FRZB: variants seen among roughly 807,000 people sequenced by gnomAD.
FRZB encodes frizzled related protein, also known as secreted frizzled-related protein 3.
Under a neutral mutation model 32.5 loss-of-function variants are expected in FRZB, and 34 were observed. The observed-to-expected ratio is 1.05, with a 90% CI of 0.80 to 1.39. FRZB has a LOEUF of 1.39. Ranked by LOEUF, FRZB falls within the 40% of genes most tolerant of loss-of-function variation. The probability of loss-of-function intolerance (pLI) is 0.00; values close to 1 mark genes in which losing one functional copy is unlikely to be tolerated. For synonymous variants in FRZB, 170 were observed against 159.2 expected, an observed-to-expected ratio of 1.07 and a Z score of -0.51; for missense variants, 423 against 424.8, an observed-to-expected ratio of 1.00 and a Z score of 0.04.
chr2:182,865,855 C>T (rs1343606285), intron 1 of FRZB, among the ~76,000 whole-genome samples: 1 of 151,986 alleles, frequency 6.6e-6, no homozygotes. Context: ...GAACACAGTG[C>T]CAGAGTGCAT....
At chr2:182,842,335 C>G (rs1695595493) in intron 3 of FRZB, 143 bp downstream of exon 3, 1 of 635,556 alleles carries the variant, frequency 1.6e-6, no homozygotes, top group East Asian at 2.8e-5. Context: ...GGCAGAGGGA[C>G]TATGCTCCTA....
chr2:182,842,327 C>A (rs1359982150), intron 3 of FRZB, 151 bp downstream of exon 3: 2 of 610,214 alleles, frequency 3.3e-6, no homozygotes, highest in African/African-American at 3.7e-5. Context: ...TTGGTCGGGG[C>A]AGAGGGACTA....
rs375931244 is a variant in FRZB, at chr2:182,838,340, T to G, written c.797+69A>C. On this transcript the variant is annotated intron_variant, in intron 4 of 5. Transcript: ENST00000295113. ...AATGTAAAAATGCGAGGGTAGCATC[T>G]CTAGAGACAAATTTAATGAGAGTAG... 9.9e-6 allele frequency: 13 copies of G among 1,314,628 alleles called. No homozygotes were observed. The African/African-American group carries it at 1.9e-4, about 19-fold the overall frequency. 81.4% of individuals were successfully genotyped at this position (1,314,628 alleles called of 1,614,324 possible). A position where few individuals can be genotyped will look rare whatever the true frequency, so the allele number is the denominator to read the frequency against.
intron 2 of FRZB, among the ~76,000 whole-genome samples, chr2:182,854,152 T>C (rs966267596): frequency 6.6e-6 from 1 of 151,958 alleles, no homozygotes; most frequent in African/African-American, 2.4e-5. Flanking sequence ...AGGGTGGGGG[T>C]AGTGACTTGG....
At chr2:182,852,319 C>A (rs559050913) in intron 2 of FRZB, among the ~76,000 whole-genome samples, 21 of 152,252 alleles carry the variant, frequency 1.4e-4, no homozygotes, top group Admixed American at 3.9e-4. Context: ...TCAGTGGCCA[C>A]CAGGCAGCTA....
At chr2:182,859,433 A>G (rs1419380507) in intron 1 of FRZB, among the ~76,000 whole-genome samples, 1 of 152,176 alleles carries the variant, frequency 6.6e-6, no homozygotes, top group East Asian at 1.9e-4. Flanking sequence ...ATCCCAGAAA[A>G]TAGTAATGAT....
At chr2:182,842,457 C>T (rs1278318295) in intron 3 of FRZB, 21 bp downstream of exon 3, 9 of 1,583,714 alleles carry the variant, frequency 5.7e-6, no homozygotes, top group African/African-American at 1.3e-5. Flanking sequence ...GTTTATACAT[C>T]AACCATGAAA....
intron 2 of FRZB, among the ~76,000 whole-genome samples, chr2:182,851,579 C>G (rs928665175): frequency 3.3e-5 from 5 of 151,974 alleles, no homozygotes; most frequent in Admixed American, 6.6e-5. Context: ...TTGCTTGAAC[C>G]CAGGACATGG....
chr2:182,842,057 T>C (rs1242292513), intron 3 of FRZB, among the ~76,000 whole-genome samples: 1 of 152,204 alleles, frequency 6.6e-6, no homozygotes. Context: ...ATAGACTGAC[T>C]GAAGAAGTCA....
At chr2:182,851,254 G>A (rs1031206497) in intron 2 of FRZB, among the ~76,000 whole-genome samples, 2 of 152,176 alleles carry the variant, frequency 1.3e-5, no homozygotes, top group Non-Finnish European at 2.9e-5. Context: ...AATGAATGGT[G>A]AGATCGGTGG....
At chr2:182,837,841 T>A in intron 5 of FRZB, 107 bp downstream of exon 5, 4 of 789,874 alleles carry the variant, frequency 5.1e-6, no homozygotes, top group East Asian at 2.6e-5. Context: ...AATTTTAATA[T>A]TTCTCATATG....
At chr2:182,851,542 G>A (rs1695710077) in intron 2 of FRZB, among the ~76,000 whole-genome samples, 1 of 152,018 alleles carries the variant, frequency 6.6e-6, no homozygotes, top group Non-Finnish European at 1.5e-5. Context: ...TGTAATCACA[G>A]CTACTCAGGA....
rs879358016 is a variant in FRZB at position 182,834,837 on chromosome 2, G to T, written c.*12C>A. 1 of 1,593,758 alleles carries T rather than the reference G, an allele frequency of 6.3e-7. No individual in the cohort carries two copies. The highest frequency in any genetic ancestry group is 8.6e-7 in the Non-Finnish European group (1 of 1,161,924). On this transcript the variant is annotated 3_prime_UTR_variant, in exon 6 of 6. Coordinates refer to ENST00000295113, the MANE Select transcript of FRZB (RefSeq NM_001463.4). ...TAGGAAGTCCACTGTGTTACTTTTT[G>T]TATTTCGGGATTTAGTTGCGTGCTT... is the stretch of plus-strand genomic sequence containing the variant.
chr2:182,837,975 C>T lies in FRZB; in HGVS notation c.834G>A (p.Trp278Ter). The change falls in exon 5 of 6, where the codon TGG becomes TGA. Residue 278 changes from tryptophan (W) to a stop codon, truncating the protein, a stop_gained. Transcript: ENST00000295113. LOFTEE classifies it high-confidence loss of function. Reference protein sequence around the residue: ...LLVEGSIAEKWKDRLGKKVKR... With the variant: ...LLVEGSIAEK ...TAACTTTTTTACCGAGTCGATCCTT[C>T]CACTTCTCAGCTATAGAGCCTTCCA... 1 of 1,612,116 alleles carries T rather than the reference C, an allele frequency of 6.2e-7. No individual in the cohort carries two copies. Among genetic ancestry groups the T allele is most frequent in the Non-Finnish European group, 8.5e-7 (1 of 1,178,856 alleles).
chr2:182,835,604 C>A (rs1393330846), intron 5 of FRZB, among the ~76,000 whole-genome samples: 1 of 151,946 alleles, frequency 6.6e-6, no homozygotes, highest in Non-Finnish European at 1.5e-5. Context: ...TTAACAATGT[C>A]AATAATATTT....
At chr2:182,858,270 A>G (rs1695792376) in intron 2 of FRZB, among the ~76,000 whole-genome samples, 2 of 152,220 alleles carry the variant, frequency 1.3e-5, no homozygotes, top group African/African-American at 4.8e-5. Flanking sequence ...GAAGGAGTGA[A>G]TGGGTGAACA....
intron 2 of FRZB, among the ~76,000 whole-genome samples, chr2:182,855,577 G>A (rs1022138558): frequency 2.6e-5 from 4 of 152,072 alleles, no homozygotes; most frequent in African/African-American, 9.7e-5. Context: ...CTTGTCGCTA[G>A]GCCAATAGAA....
At position 182,866,346 on chromosome 2, in the gene FRZB, G is replaced by A. The variant is rs757857052; in HGVS notation, c.207C>T (p.Ile69=). 1.2e-6 allele frequency: 2 copies of A among 1,614,158 alleles called. No homozygotes were observed. Among genetic ancestry groups the A allele is most frequent in the Non-Finnish European group, 1.7e-6 (2 of 1,179,988 alleles). The part of the protein sequence containing the change: ...HSTQANAILA[I]EQFEGLLGTH... ...TGCCCAGCAGACCTTCGAACTGCTC[G>A]ATGGCCAGGATGGCGTTGGCCTGAG... is the stretch of plus-strand genomic sequence containing the variant. Residue 69 remains isoleucine (I), a synonymous_variant, in exon 1 of 6, where the codon ATC becomes ATT. Coordinates refer to ENST00000295113, the MANE Select transcript of FRZB (RefSeq NM_001463.4). The surrounding 1 kb of genome is among the most constrained non-coding windows in gnomAD (Gnocchi z 4.5).
At chr2:182,849,861 G>A (rs781213476) in intron 2 of FRZB, among the ~76,000 whole-genome samples, 4 of 152,188 alleles carry the variant, frequency 2.6e-5, no homozygotes, top group Non-Finnish European at 5.9e-5. Flanking sequence ...AATATAGAAA[G>A]AGTCAATACA....
Sources: allele counts gnomAD v4.1 joint callset (sites outside exome capture counted in the v4.1 genomes callset), GRCh38; gene constraint gnomAD v4.1.1; non-coding constraint Gnocchi (gnomAD v3.1); transcripts MANE v1.5; gene names NCBI Gene and HGNC (gene_info 2026-07-23, HGNC 2026-07-21).